Variants in SCUBE1 observed in about 807,000 individuals in gnomAD.
SCUBE1 encodes signal peptide, CUB and EGF-like domain-containing protein 1.
In SCUBE1, 59 loss-of-function variants were observed where a neutral mutation model predicts 124.4. That is an observed-to-expected ratio of 0.47 (90% CI 0.38 to 0.59). The LOEUF (loss-of-function observed/expected upper bound fraction) is 0.59. Among genes scored for constraint, SCUBE1 ranks in the 20% least tolerant of loss-of-function variants. The pLI, the probability that SCUBE1 is intolerant of heterozygous loss-of-function variation, is 0.00. For missense variants in SCUBE1, 1,150 were observed against 1,371.2 expected (o/e 0.84, Z 2.55); for synonymous variants, 545 against 550.9 (o/e 0.99, Z 0.15).
intron 3 of SCUBE1, among the ~76,000 whole-genome samples, chr22:43,314,126 C>G (rs2146777813): frequency 6.6e-6 from 1 of 152,300 alleles, no homozygotes; most frequent in South Asian, 2.1e-4. Flanking sequence ...ATGCACAAGG[C>G]AGCGGAGACA....
At chr22:43,222,985 C>T in intron 11 of SCUBE1, 112 bp downstream of exon 11, 12 of 1,397,528 alleles carry the variant, frequency 8.6e-6, no homozygotes, top group Non-Finnish European at 1.1e-5. Flanking sequence ...TATCAGAGAC[C>T]CTCATTCCTA....
intron 14 of SCUBE1, among the ~76,000 whole-genome samples, 190 bp from the exon 15 acceptor site, chr22:43,218,648 GGCAGGGCCTGCCCACGGCCAC>G (rs1426034302): frequency 6.6e-6 from 1 of 152,246 alleles, no homozygotes; most frequent in East Asian, 1.9e-4. Flanking sequence ...GGACCTGGGA[GGCAGGGCCTGCCCACGGCCAC>G]GCAGCAGATC....
At position 43,240,525 on chromosome 22, in the gene SCUBE1, C is replaced by G. The variant is rs73886462; in HGVS notation, c.728-1571G>C. Among the ~76,000 whole-genome samples the G allele has an allele frequency of 9.7e-3, 1,483 of 152,322 alleles. 22 individuals are homozygous for G. Among genetic ancestry groups the G allele is most frequent in the African/African-American group, 0.034 (1,420 of 41,568 alleles). The stretch of plus-strand genomic sequence containing the variant: ...ACTTGGCCGGCTTATGCCCTCTGGG[C>G]CATCTACTGGGACAGTGGAGGTGGG... On this transcript the variant is annotated intron_variant, in intron 6 of 21. Coordinates refer to ENST00000360835, the MANE Select transcript of SCUBE1 (RefSeq NM_173050.5).
Position 43,211,072 on chromosome 22 carries a change from G to T in SCUBE1, c.2233C>A (p.Pro745Thr), listed in dbSNP as rs1921529457. 3 of 1,611,594 alleles carry T rather than the reference G, an allele frequency of 1.9e-6. No individual in the cohort carries two copies. The South Asian group carries it at 3.3e-5, about 18-fold the overall frequency. ...GTGGTGGTGTTGTAGTGGTGGCCGG[G>T]GGAGCAGTGCACTGCCGGGGGACAC... ...QDCEAKVHCSPGHHYNTTTHR... is the reference protein window; with the variant it reads ...QDCEAKVHCSTGHHYNTTTHR... Residue 745 changes from proline (P) to threonine (T), a missense_variant, in exon 18 of 22, where the codon CCC (proline) becomes ACC (threonine). Transcript: ENST00000360835. This position sits in a 1 kb window ranked among gnomAD's most constrained non-coding sequence, Gnocchi z 4.5.
rs73886552 is a variant in SCUBE1, at chr22:43,274,452, G to C, written c.485-11607C>G. 3.7e-3 allele frequency among the ~76,000 whole-genome samples: 567 copies of C among 152,356 alleles called. 3 individuals are homozygous for C. The highest frequency in any genetic ancestry group is 0.013 in the African/African-American group (535 of 41,580). On this transcript the variant is annotated intron_variant, in intron 4 of 21. Coordinates refer to ENST00000360835, the MANE Select transcript of SCUBE1 (RefSeq NM_173050.5). ...ACCCTAAAGGAAGCCATGGCGGACGGACAGGCTGTCTAGTGCCACCCTTAG... is the reference window on the plus strand; with the variant it reads ...ACCCTAAAGGAAGCCATGGCGGACGCACAGGCTGTCTAGTGCCACCCTTAG...
chr22:43,341,346 G>C (rs746778380), intron 1 of SCUBE1, among the ~76,000 whole-genome samples: 8 of 152,228 alleles, frequency 5.3e-5, no homozygotes, highest in Non-Finnish European at 1.0e-4. Context: ...CTGCCTCTAA[G>C]GCAGGGACCC....
chr22:43,290,905 C>A, intron 4 of SCUBE1, 141 bp downstream of exon 4: 1 of 860,096 alleles, frequency 1.2e-6, no homozygotes, highest in Non-Finnish European at 1.7e-6. Flanking sequence ...CAATACCAGA[C>A]GTGCAAAACA....
At chr22:43,304,536 C>T (rs76752476) in intron 3 of SCUBE1, among the ~76,000 whole-genome samples, 10 of 152,140 alleles carry the variant, frequency 6.6e-5, no homozygotes, top group East Asian at 3.9e-4. Flanking sequence ...CTCTAAGCCA[C>T]GAGGACCAGT....
chr22:43,255,785 G>A lies in SCUBE1; in HGVS notation c.727+2434C>T, dbSNP rs943192516. ...GCAGAGAGGCAGCGAGGGCGGGGGCGGGGGGACGTGCAGGAAAGGAGGAAT... is the reference window on the plus strand; with the variant it reads ...GCAGAGAGGCAGCGAGGGCGGGGGCAGGGGGACGTGCAGGAAAGGAGGAAT... On this transcript the variant is annotated intron_variant, in intron 6 of 21. Coordinates refer to ENST00000360835, the MANE Select transcript of SCUBE1 (RefSeq NM_173050.5). The surrounding 1 kb of genome is among the most constrained non-coding windows in gnomAD (Gnocchi z 4.7). 1.3e-5 allele frequency among the ~76,000 whole-genome samples: 2 copies of A among 152,102 alleles called. No individual in the cohort carries two copies. Among genetic ancestry groups the A allele is most frequent in the South Asian group, 2.1e-4 (1 of 4,828 alleles).
At chr22:43,311,798 G>A (rs1926179618) in intron 3 of SCUBE1, among the ~76,000 whole-genome samples, 1 of 152,042 alleles carries the variant, frequency 6.6e-6, no homozygotes, top group African/African-American at 2.4e-5. Context: ...TAAGAGCCCT[G>A]CGAGAGATAT....
chr22:43,272,766 C>T (rs1403840090), intron 4 of SCUBE1, among the ~76,000 whole-genome samples: 2 of 152,300 alleles, frequency 1.3e-5, no homozygotes, highest in Admixed American at 6.5e-5. Flanking sequence ...TGTGTTTACA[C>T]GCAAGCAAAA....
chr22:43,273,562 T>C (rs1924374395), intron 4 of SCUBE1, among the ~76,000 whole-genome samples: 1 of 27,306 alleles, frequency 3.7e-5, no homozygotes, highest in African/African-American at 1.0e-4. Context: ...TAAAACCCTC[T>C]TTTTTTTTTT....
At chr22:43,257,257 TC>T (rs1923695896) in intron 6 of SCUBE1, among the ~76,000 whole-genome samples, 1 of 152,092 alleles carries the variant, frequency 6.6e-6, no homozygotes, top group South Asian at 2.1e-4. Context: ...CCCTGTCCTG[TC>T]CCCTGAGTCT....
At chr22:43,224,464 G>C (rs1922225487) in intron 10 of SCUBE1, among the ~76,000 whole-genome samples, 1 of 152,194 alleles carries the variant, frequency 6.6e-6, no homozygotes, top group Non-Finnish European at 1.5e-5. Context: ...GACTTGTCTT[G>C]TGTTTGATGG....
chr22:43,232,769 C>T (rs946616189), intron 7 of SCUBE1, among the ~76,000 whole-genome samples: 2 of 152,254 alleles, frequency 1.3e-5, no homozygotes, highest in Admixed American at 6.5e-5. Flanking sequence ...GCCGATGCCT[C>T]ACAGATGTCT....
rs113774894 is a variant in SCUBE1, at chr22:43,339,791, T to C, written c.89-556A>G. 4.2e-3 allele frequency among the ~76,000 whole-genome samples: 76 copies of C among 18,064 alleles called. 1 individual carries two copies. The highest frequency in any genetic ancestry group is 0.017 in the African/African-American group (61 of 3,612). The allele number at this position is 18,064 out of a possible 152,430, so 11.9% of individuals were successfully genotyped here. The stretch of plus-strand genomic sequence containing the variant: ...CCTCATTCTATCCCCCCACAAGCAT[T>C]GCTTCAACCCTCCCCCACTCTCCTC... On this transcript the variant is annotated intron_variant, in intron 1 of 21. Transcript: ENST00000360835.
intron 1 of SCUBE1, among the ~76,000 whole-genome samples, chr22:43,342,926 G>C (rs1303527406): frequency 2.6e-5 from 4 of 151,388 alleles, no homozygotes; most frequent in Non-Finnish European, 4.4e-5. Flanking sequence ...CCGCGCTCGC[G>C]CTTCCCCTCC....
At chr22:43,223,462 C>A (rs1025842545) in intron 10 of SCUBE1, among the ~76,000 whole-genome samples, 1 of 152,168 alleles carries the variant, frequency 6.6e-6, no homozygotes, top group Admixed American at 6.5e-5. Flanking sequence ...AGGTTCATGT[C>A]CCCATCCCCA....
At chr22:43,288,234 C>T (rs1379668652) in intron 4 of SCUBE1, among the ~76,000 whole-genome samples, 2 of 152,168 alleles carry the variant, frequency 1.3e-5, no homozygotes, top group African/African-American at 4.8e-5. Flanking sequence ...CCTGAAAAAT[C>T]AGGATCTGAC....
Sources: allele counts gnomAD v4.1 joint callset (sites outside exome capture counted in the v4.1 genomes callset), GRCh38; gene constraint gnomAD v4.1.1; non-coding constraint Gnocchi (gnomAD v3.1); transcripts MANE v1.5; gene names NCBI Gene and HGNC (gene_info 2026-07-23, HGNC 2026-07-21).